The following DLGAP2 variants were observed in gnomAD, a reference collection of about 807,000 sequenced individuals.
DLGAP2 encodes the protein DLG associated protein 2.
In DLGAP2, 26 loss-of-function variants were observed where a neutral mutation model predicts 100.3. The observed-to-expected ratio is 0.26, with a 90% confidence interval of 0.19 to 0.36. The LOEUF (loss-of-function observed/expected upper bound fraction) is 0.36. Among genes scored for constraint, DLGAP2 ranks in the 10% least tolerant of loss-of-function variants. DLGAP2 has a pLI of 1.00. For missense variants in DLGAP2, 1,858 were observed against 1,453.2 expected, an observed-to-expected ratio of 1.28 and a Z score of -4.53; for synonymous variants, 886 against 630.1, an observed-to-expected ratio of 1.41 and a Z score of -6.08.
At chr8:786,306 T>A (rs1018950937) in intron 1 of DLGAP2, among the ~76,000 whole-genome samples, 5 of 151,486 alleles carry the variant, frequency 3.3e-5, no homozygotes, top group Non-Finnish European at 7.4e-5. Flanking sequence ...GTCCCGGAGG[T>A]CACCAGGAGC....
chr8:1,461,670 G>T lies in DLGAP2; in HGVS notation c.107-39696G>T, dbSNP rs562978597. On this transcript the variant is annotated intron_variant, in intron 3 of 14. Coordinates refer to ENST00000637795, the MANE Select transcript of DLGAP2 (RefSeq NM_001346810.2). ...GGCGGCATTTGGGTTGGGAGAAGGT[G>T]CTGCTGTCACAGGACTGGGTGCAGT... Among the ~76,000 whole-genome samples, 24 of 59,702 alleles carry T rather than the reference G, an allele frequency of 4.0e-4. 2 individuals carry two copies. The highest frequency in any genetic ancestry group is 6.7e-4 in the Non-Finnish European group (22 of 32,772). 39.2% of individuals were successfully genotyped at this position (59,702 alleles called of 152,430 possible).
intron 3 of DLGAP2, among the ~76,000 whole-genome samples, chr8:1,335,199 C>T (rs1018944962): frequency 6.6e-6 from 1 of 152,114 alleles, no homozygotes; most frequent in African/African-American, 2.4e-5. Context: ...TGGCCTTTCT[C>T]TCTCAGTCTA....
chr8:1,407,523 A>G (rs1315308260), intron 3 of DLGAP2, among the ~76,000 whole-genome samples: 10 of 108,894 alleles, frequency 9.2e-5, no homozygotes, highest in Non-Finnish European at 1.2e-4. Context: ...CATCGTCCAG[A>G]GTCGTGTATT....
intron 2 of DLGAP2, among the ~76,000 whole-genome samples, chr8:1,099,106 A>G (rs935581140): frequency 2.0e-5 from 3 of 152,152 alleles, no homozygotes; most frequent in Non-Finnish European, 4.4e-5. Flanking sequence ...ACTATTTACT[A>G]AAATAACCCC....
At chr8:1,639,339 C>T (rs1237833638) in intron 8 of DLGAP2, among the ~76,000 whole-genome samples, 1 of 152,172 alleles carries the variant, frequency 6.6e-6, no homozygotes, top group Non-Finnish European at 1.5e-5. Flanking sequence ...TCAACACTGC[C>T]CCAGTTCACC....
intron 3 of DLGAP2, among the ~76,000 whole-genome samples, chr8:1,466,613 C>T (rs142863518): frequency 5.3e-5 from 8 of 152,070 alleles, no homozygotes; most frequent in South Asian, 4.2e-4. Flanking sequence ...TCTCAGGTGC[C>T]GAGAACTTAC....
intron 12 of DLGAP2, among the ~76,000 whole-genome samples, chr8:1,683,360 T>C (rs537635914): frequency 2.0e-4 from 30 of 151,564 alleles, no homozygotes; most frequent in African/African-American, 6.8e-4. Context: ...GAGGCCCCTT[T>C]GTCTCCTTCC....
At chr8:1,344,917 G>C (rs1027462728) in intron 3 of DLGAP2, among the ~76,000 whole-genome samples, 42 of 152,314 alleles carry the variant, frequency 2.8e-4, no homozygotes, top group African/African-American at 9.1e-4. Flanking sequence ...TCCGGTCAAA[G>C]GACAGGGTCT....
At chr8:1,227,668 G>C (rs535526473) in intron 2 of DLGAP2, among the ~76,000 whole-genome samples, 6 of 152,108 alleles carry the variant, frequency 3.9e-5, no homozygotes, top group African/African-American at 1.4e-4. Context: ...AAATAAGGCA[G>C]ACACAGGAAG....
In DLGAP2 at chr8:1,294,329, C is replaced by T. The variant is rs187435023; in HGVS notation, c.106+35446C>T. Reference sequence around the variant, plus strand: ...AAAAATGCCATGTTCACATTAGAACCTCGGAGAAGCCAGATTGTGATTGGC... The same window carrying T: ...AAAAATGCCATGTTCACATTAGAACTTCGGAGAAGCCAGATTGTGATTGGC... On this transcript the variant is annotated intron_variant, in intron 3 of 14. Transcript: ENST00000637795. Among the ~76,000 whole-genome samples the T allele has an allele frequency of 2.3e-3, 357 of 152,302 alleles. 1 individual carries two copies. Among genetic ancestry groups the T allele is most frequent in the African/African-American group, 8.0e-3 (332 of 41,556 alleles).
chr8:1,423,441 G>C (rs1015689913), intron 3 of DLGAP2, among the ~76,000 whole-genome samples: 4 of 152,170 alleles, frequency 2.6e-5, no homozygotes, highest in African/African-American at 9.7e-5. Context: ...TGTGCTCCGC[G>C]AGGTCTGATG....
chr8:1,082,941 T>G (rs1400351413), intron 2 of DLGAP2, among the ~76,000 whole-genome samples: 1 of 152,208 alleles, frequency 6.6e-6, no homozygotes, highest in African/African-American at 2.4e-5. Context: ...TTAGAAGGGA[T>G]CTGTTATGAA....
At chr8:809,964 A>G (rs560754862) in intron 1 of DLGAP2, among the ~76,000 whole-genome samples, 1 of 152,284 alleles carries the variant, frequency 6.6e-6, no homozygotes, top group African/African-American at 2.4e-5. Context: ...GAAAGCCTGG[A>G]CTGCGGTCAA....
Position 1,045,640 on chromosome 8 carries a change from G to GC in DLGAP2, c.73+137679dup, listed in dbSNP as rs550404732. On this transcript the variant is annotated intron_variant, in intron 2 of 14. Coordinates refer to ENST00000637795, the MANE Select transcript of DLGAP2 (RefSeq NM_001346810.2). ...TGTGTCCTTTGACCTCCCCAACCGCGCCCCCACCCAGGTCCTGGTAACCAC... is the reference window on the plus strand; with the variant it reads ...TGTGTCCTTTGACCTCCCCAACCGCGCCCCCCACCCAGGTCCTGGTAACCAC... 1.1e-4 allele frequency among the ~76,000 whole-genome samples: 16 copies of GC among 152,162 alleles called. No homozygotes were observed. In the South Asian group the frequency reaches 2.9e-3, roughly 28 times the overall value.
intron 4 of DLGAP2, among the ~76,000 whole-genome samples, chr8:1,508,839 T>C (rs1338060289): frequency 6.6e-6 from 1 of 151,672 alleles, no homozygotes; most frequent in Non-Finnish European, 1.5e-5. Context: ...AGGCTCGGGC[T>C]CCGGGGATTC....
intron 3 of DLGAP2, among the ~76,000 whole-genome samples, chr8:1,358,816 C>T (rs1179510631): frequency 6.6e-6 from 1 of 152,042 alleles, no homozygotes; most frequent in Non-Finnish European, 1.5e-5. Flanking sequence ...GATCAGGCCA[C>T]GTTTGTCATC....
intron 3 of DLGAP2, chr8:1,380,167 A>G (rs940762323): frequency 6.6e-6 from 1 of 152,180 alleles, no homozygotes; most frequent in Non-Finnish European, 1.5e-5. Flanking sequence ...AAATGAACAT[A>G]CATAGGAATC....
At chr8:1,172,140 T>A (rs200783551) in intron 2 of DLGAP2, among the ~76,000 whole-genome samples, 5 of 151,368 alleles carry the variant, frequency 3.3e-5, no homozygotes, top group Non-Finnish European at 7.4e-5. Flanking sequence ...CCTTCACTTA[T>A]GAAGCTTAGT....
chr8:1,637,116 G>A (rs1448969718), intron 8 of DLGAP2, among the ~76,000 whole-genome samples: 1 of 152,208 alleles, frequency 6.6e-6, no homozygotes, highest in Non-Finnish European at 1.5e-5. Flanking sequence ...GGGACCAGGT[G>A]TGCAGTGTGC....
Sources: gnomAD v4.1 joint callset for allele counts (sites outside exome capture counted in the v4.1 genomes callset) on GRCh38, gnomAD v4.1.1 for gene constraint, MANE v1.5 for transcripts, NCBI Gene and HGNC (gene_info 2026-07-23, HGNC 2026-07-21) for gene names.